NYAP2: variants seen among roughly 807,000 people sequenced by gnomAD.
The protein encoded by NYAP2 is neuronal tyrosine-phosphorylated phosphoinositide-3-kinase adaptor 2.
NYAP2 carries 23 observed loss-of-function variants against 50.4 expected under a neutral mutation model. That is an observed-to-expected ratio of 0.46 (90% CI 0.33 to 0.65). The LOEUF (loss-of-function observed/expected upper bound fraction) is 0.65, where lower values mean the gene tolerates loss of function less well. NYAP2 is among the 30% of genes least tolerant of loss of function. The pLI is 0.02. For synonymous variants in NYAP2, 394 were observed against 365.2 expected, an observed-to-expected ratio of 1.08 and a Z score of -0.90; for missense variants, 885 against 861.0, an observed-to-expected ratio of 1.03 and a Z score of -0.35.
rs115720300 is a variant in NYAP2, at chr2:225,453,377, A to G, written c.221+44276A>G. On this transcript the variant is annotated intron_variant, in intron 3 of 6. Coordinates refer to ENST00000636099, the Ensembl canonical transcript of NYAP2. ...TTGTAAAAACTTAAGATCTAATTCA[A>G]GGGGATTGGCTCTAAGATTCTGTTA... 3.8e-3 allele frequency among the ~76,000 whole-genome samples: 578 copies of G among 152,312 alleles called. 4 individuals carry two copies. Among genetic ancestry groups the G allele is most frequent in the African/African-American group, 0.012 (500 of 41,574 alleles).
chr2:225,641,422 AACACACACACACAC>A (rs56041107), intron 6 of NYAP2, among the ~76,000 whole-genome samples: 3,014 of 133,710 alleles, frequency 0.023, 52 homozygotes, highest in South Asian at 0.035. Context: ...CAATCCCTCA[AACACACACACACAC>A]ACACACACAC....
intron 3 of NYAP2, among the ~76,000 whole-genome samples, chr2:225,449,847 C>T (rs1689622874): frequency 6.6e-6 from 1 of 151,780 alleles, no homozygotes; most frequent in South Asian, 2.1e-4. Context: ...GAACTCCTGA[C>T]CTCAAGTGAT....
chr2:225,418,785 A>G (rs1159143007), intron 3 of NYAP2, among the ~76,000 whole-genome samples: 3 of 152,212 alleles, frequency 2.0e-5, no homozygotes, highest in African/African-American at 7.2e-5. Flanking sequence ...AACTTTTTAT[A>G]TACTTTTAGA....
At chr2:225,698,961 G>T in the NYAP2 span, 4 of 151,478 alleles carry the variant, frequency 2.6e-5, no homozygotes, top group African/African-American at 9.7e-5. Flanking sequence ...GCCCACATTT[G>T]GTTTCTGTAC....
In NYAP2 at chr2:225,598,758, A is replaced by G. The variant is rs373450382; in HGVS notation, c.1618+15723A>G. On this transcript the variant is annotated intron_variant, in intron 5 of 6. Coordinates refer to ENST00000636099, the Ensembl canonical transcript of NYAP2. ...ATAGACACAAATGGCTTCATTGTCAATTTTCTCATTTTTCAAAATTAATGG... is the reference window on the plus strand; with the variant it reads ...ATAGACACAAATGGCTTCATTGTCAGTTTTCTCATTTTTCAAAATTAATGG... Among the ~76,000 whole-genome samples, 31 of 152,172 alleles carry G rather than the reference A, an allele frequency of 2.0e-4. No individual in the cohort carries two copies. In the East Asian group the frequency reaches 4.4e-3, roughly 22 times the overall value.
At chr2:225,647,528 C>T (rs1693655320) in intron 6 of NYAP2, among the ~76,000 whole-genome samples, 1 of 152,170 alleles carries the variant, frequency 6.6e-6, no homozygotes, top group Non-Finnish European at 1.5e-5. Flanking sequence ...GTCACATCCC[C>T]TCTAACTGGA....
At chr2:225,428,131 G>T (rs759511386) in intron 3 of NYAP2, among the ~76,000 whole-genome samples, 24 of 152,150 alleles carry the variant, frequency 1.6e-4, no homozygotes, top group Non-Finnish European at 2.9e-4. Context: ...GAGAGAGTAG[G>T]TCCCTGGGCT....
At chr2:225,674,370 C>T in the NYAP2 span, among the ~76,000 whole-genome samples, 1 of 152,010 alleles carries the variant, frequency 6.6e-6, no homozygotes, top group South Asian at 2.1e-4. Flanking sequence ...ATTAGTCCCC[C>T]TCAGAAGAGT....
intron 5 of NYAP2, among the ~76,000 whole-genome samples, chr2:225,610,191 G>A (rs1409445035): frequency 6.6e-6 from 1 of 152,130 alleles, no homozygotes; most frequent in South Asian, 2.1e-4. Context: ...ACTGTGGACT[G>A]GGTGGGGTAA....
At chr2:225,529,821 C>T (rs914682916) in intron 4 of NYAP2, among the ~76,000 whole-genome samples, 3 of 152,232 alleles carry the variant, frequency 2.0e-5, no homozygotes. Flanking sequence ...AATTCTCCTG[C>T]TTCAGCCTCC....
intron 6 of NYAP2, among the ~76,000 whole-genome samples, chr2:225,638,968 G>A (rs1027859459): frequency 1.3e-5 from 2 of 152,032 alleles, no homozygotes; most frequent in African/African-American, 4.8e-5. Context: ...AATATTCATA[G>A]TTTTGATTAA....
At chr2:225,489,003 G>A (rs1192858001) in intron 3 of NYAP2, among the ~76,000 whole-genome samples, 1 of 152,192 alleles carries the variant, frequency 6.6e-6, no homozygotes, top group Non-Finnish European at 1.5e-5. Flanking sequence ...AATCCAGGCA[G>A]AAGAACTGCT....
At chr2:225,496,940 T>C (rs189483839) in intron 3 of NYAP2, among the ~76,000 whole-genome samples, 87 of 152,264 alleles carry the variant, frequency 5.7e-4, no homozygotes, top group Admixed American at 1.4e-3. Context: ...TTTAGATGCA[T>C]TGTGAGCATT....
chr2:225,440,495 G>C (rs1472013523), intron 3 of NYAP2, among the ~76,000 whole-genome samples: 1 of 152,130 alleles, frequency 6.6e-6, no homozygotes. Context: ...GTTCTTTAAG[G>C]CTAAGGAGCA....
chr2:225,563,313 G>A (rs1475757103), intron 4 of NYAP2, among the ~76,000 whole-genome samples: 2 of 152,136 alleles, frequency 1.3e-5, no homozygotes, highest in Non-Finnish European at 2.9e-5. Flanking sequence ...AAGACTTAGA[G>A]GTTAAGTAGC....
At chr2:225,651,336 A>C (rs1693728678) in intron 6 of NYAP2, 96 bp from the exon 7 acceptor site, 3 of 1,504,148 alleles carry the variant, frequency 2.0e-6, no homozygotes, top group Admixed American at 3.4e-5. Flanking sequence ...GTATATTCCA[A>C]GAATAAGTAG....
chr2:225,441,098 C>T (rs1689462861), intron 3 of NYAP2, among the ~76,000 whole-genome samples: 2 of 152,212 alleles, frequency 1.3e-5, no homozygotes, highest in African/African-American at 4.8e-5. Flanking sequence ...ATCCTTTGGG[C>T]CCTCAAGGAT....
chr2:225,656,597 A>G (rs771932288), downstream of NYAP2, among the ~76,000 whole-genome samples: 1 of 152,180 alleles, frequency 6.6e-6, no homozygotes, highest in African/African-American at 2.4e-5. Flanking sequence ...ATAAGGGAAC[A>G]TGTTAGGGGG....
intron 3 of NYAP2, among the ~76,000 whole-genome samples, chr2:225,503,157 G>A (rs1372472447): frequency 1.3e-5 from 2 of 152,106 alleles, no homozygotes; most frequent in African/African-American, 2.4e-5. Flanking sequence ...AACTTGGCAT[G>A]TTCTCAAACC....
Sources: gnomAD v4.1 joint callset for allele counts (sites outside exome capture counted in the v4.1 genomes callset) on GRCh38, gnomAD v4.1.1 for gene constraint, MANE v1.5 for transcripts, NCBI Gene and HGNC (gene_info 2026-07-23, HGNC 2026-07-21) for gene names.